Variants in MYO5A observed in about 807,000 individuals in gnomAD.
MYO5A encodes the protein myosin VA, also known as unconventional myosin-Va.
A neutral mutation model predicts 249.7 loss-of-function variants in MYO5A; 98 were observed. The observed-to-expected ratio is 0.39, with a 90% confidence interval of 0.33 to 0.46. The LOEUF (loss-of-function observed/expected upper bound fraction) is 0.46. MYO5A is among the 20% of genes least tolerant of loss of function. The probability of loss-of-function intolerance (pLI) is 0.98; values close to 1 mark genes in which losing one functional copy is unlikely to be tolerated. For synonymous variants in MYO5A, 778 were observed against 810.6 expected (o/e 0.96, Z 0.68); for missense variants, 1,696 against 2,308.8 (o/e 0.73, Z 5.44).
intron 1 of MYO5A, among the ~76,000 whole-genome samples, chr15:52,493,641 G>C (rs942715033): frequency 1.3e-5 from 2 of 151,840 alleles, no homozygotes; most frequent in Non-Finnish European, 1.5e-5. Context: ...CAGTCTGGGC[G>C]ATAGAGCGAG....
chr15:52,332,515 A>C (rs1248157312), intron 34 of MYO5A, among the ~76,000 whole-genome samples: 1 of 152,214 alleles, frequency 6.6e-6, no homozygotes, highest in Non-Finnish European at 1.5e-5. Context: ...TACTGTATAA[A>C]AATGTCAGAT....
intron 1 of MYO5A, among the ~76,000 whole-genome samples, chr15:52,484,103 A>C (rs1469387653): frequency 6.6e-6 from 1 of 152,214 alleles, no homozygotes; most frequent in East Asian, 1.9e-4. Flanking sequence ...AAAAGTAACT[A>C]ATCTTAGGAT....
intron 12 of MYO5A, among the ~76,000 whole-genome samples, chr15:52,390,752 G>A (rs1442195620): frequency 2.6e-5 from 4 of 151,724 alleles, no homozygotes; most frequent in Non-Finnish European, 4.4e-5. Context: ...TGTAGACGGG[G>A]TTTCACCATA....
chr15:52,382,548 G>A (rs2141132109), intron 16 of MYO5A, among the ~76,000 whole-genome samples: 1 of 152,300 alleles, frequency 6.6e-6, no homozygotes, highest in South Asian at 2.1e-4. Context: ...TCCAGCCAGG[G>A]CAAGAAGAGT....
intron 20 of MYO5A, among the ~76,000 whole-genome samples, chr15:52,374,071 G>A (rs2041274065): frequency 6.6e-6 from 1 of 152,186 alleles, no homozygotes; most frequent in Admixed American, 6.5e-5. Context: ...GATGTCCATA[G>A]AGCTCTAATA....
At position 52,421,561 on chromosome 15, in the gene MYO5A, C is replaced by T. The variant is rs193014283; in HGVS notation, c.455+4269G>A. 8.5e-5 allele frequency among the ~76,000 whole-genome samples: 13 copies of T among 152,268 alleles called. No homozygotes were observed. The East Asian group carries it at 2.5e-3, about 29-fold the overall frequency. ...ACACCAAGAGGTTAAAAGGCTTGTCCAAGCCTGATGACTGGCATAGAGTAG... is the reference window on the plus strand; with the variant it reads ...ACACCAAGAGGTTAAAAGGCTTGTCTAAGCCTGATGACTGGCATAGAGTAG... On this transcript the variant is annotated intron_variant, in intron 4 of 41. Coordinates refer to ENST00000399233, the MANE Select transcript of MYO5A (RefSeq NM_001382347.1).
intron 4 of MYO5A, among the ~76,000 whole-genome samples, 196 bp from the exon 5 acceptor site, chr15:52,416,497 T>A (rs2043497959): frequency 6.6e-6 from 1 of 152,028 alleles, no homozygotes; most frequent in Non-Finnish European, 1.5e-5. Context: ...ATATATATTT[T>A]TTTTAAGGAA....
At chr15:52,426,620 G>A (rs935544172) in intron 3 of MYO5A, among the ~76,000 whole-genome samples, 4 of 152,190 alleles carry the variant, frequency 2.6e-5, no homozygotes, top group African/African-American at 7.2e-5. Flanking sequence ...GCAACACCAT[G>A]CCTGGCTAAT....
chr15:52,329,835 C>T (rs1027381827), intron 35 of MYO5A, among the ~76,000 whole-genome samples: 2 of 151,138 alleles, frequency 1.3e-5, no homozygotes, highest in African/African-American at 4.9e-5. Flanking sequence ...AACTCCTGGG[C>T]TTACATGATC....
chr15:52,389,411 AT>A (rs763357165), intron 12 of MYO5A, 48 bp from the exon 13 acceptor site: 1 of 1,566,356 alleles, frequency 6.4e-7, no homozygotes, highest in East Asian at 2.2e-5. Flanking sequence ...AAATACTGTG[AT>A]TCCTCTAAAG....
chr15:52,373,954 A>AAAAT (rs10692704), intron 20 of MYO5A, among the ~76,000 whole-genome samples: 52,213 of 147,994 alleles, frequency 0.35, 9,744 homozygotes, highest in East Asian at 0.69. Context: ...ACTTCAAATA[A>AAAAT]AAATAAATAA....
At chr15:52,319,401 C>T in intron 38 of MYO5A, 59 bp from the exon 39 acceptor site, 2 of 1,555,976 alleles carry the variant, frequency 1.3e-6, no homozygotes, top group South Asian at 1.1e-5. Flanking sequence ...TTCATGTGCA[C>T]ATATCCATGT....
At chr15:52,390,609 G>A (rs2042186205) in intron 12 of MYO5A, among the ~76,000 whole-genome samples, 1 of 145,604 alleles carries the variant, frequency 6.9e-6, no homozygotes, top group Admixed American at 6.9e-5. Flanking sequence ...ACCCAGGCTG[G>A]AGTGCAATGG....
chr15:52,334,590 C>T (rs778809694), intron 34 of MYO5A, among the ~76,000 whole-genome samples: 1 of 152,160 alleles, frequency 6.6e-6, no homozygotes, highest in Non-Finnish European at 1.5e-5. Flanking sequence ...ATTTGTACAT[C>T]CAACAGAGTA....
Position 52,379,684 on chromosome 15 carries a change from T to C in MYO5A, c.2149A>G (p.Lys717Glu). The C allele has an allele frequency of 6.2e-7, 1 of 1,614,208 alleles. No homozygotes were observed. Among genetic ancestry groups the C allele is most frequent in the East Asian group, 2.2e-5 (1 of 44,894 alleles). Residue 717 changes from lysine (K) to glutamate (E), a missense_variant, in exon 18 of 42, where the codon AAA (lysine) becomes GAA (glutamate). By Grantham distance (56) the Lys-to-Glu change is moderately conservative (BLOSUM62 1). This residue lies in a region of MYO5A where 277 missense variants were observed against 422.4 expected (regional missense o/e 0.66). Transcript: ENST00000399233. The stretch of plus-strand genomic sequence containing the variant: ...TGCTTTCTGTCACTCAGCACATCTT[T>C]CTGCTTCATTAGGACACGGTAGCGG... ...FSRYRVLMKQ[K>E]DVLSDRKQTC...
At chr15:52,426,335 A>G (rs1238111079) in intron 3 of MYO5A, among the ~76,000 whole-genome samples, 3 of 146,466 alleles carry the variant, frequency 2.0e-5, no homozygotes, top group African/African-American at 5.1e-5. Context: ...TTTTTTTTTC[A>G]CAAAGATGTT....
chr15:52,383,349 C>G (rs2041838680), intron 15 of MYO5A, among the ~76,000 whole-genome samples, 161 bp from the exon 16 acceptor site: 1 of 152,136 alleles, frequency 6.6e-6, no homozygotes. Context: ...AACAAGAATG[C>G]TAGGGCTTTT....
intron 1 of MYO5A, among the ~76,000 whole-genome samples, chr15:52,467,492 AG>A (rs2076376120): frequency 6.6e-6 from 1 of 152,234 alleles, no homozygotes; most frequent in African/African-American, 2.4e-5. Context: ...TGAGGAAAAA[AG>A]AATGAATAAA....
intron 1 of MYO5A, among the ~76,000 whole-genome samples, chr15:52,526,498 A>T (rs1319175442): frequency 6.6e-6 from 1 of 152,056 alleles, no homozygotes; most frequent in Non-Finnish European, 1.5e-5. Context: ...AGTAGCTGGG[A>T]TTACAGGCAT....
Sources: allele counts gnomAD v4.1 joint callset (sites outside exome capture counted in the v4.1 genomes callset), GRCh38; gene constraint gnomAD v4.1.1; regional missense constraint gnomAD v4.1.1; transcripts MANE v1.5; gene names NCBI Gene and HGNC (gene_info 2026-07-23, HGNC 2026-07-21).